Variants in CLCNKA observed in about 807,000 individuals in gnomAD.
CLCNKA encodes chloride channel protein ClC-Ka.
Under a neutral mutation model 83.3 loss-of-function variants are expected in CLCNKA, and 66 were observed. That is an observed-to-expected ratio of 0.79 (90% CI 0.65 to 0.97). The LOEUF (loss-of-function observed/expected upper bound fraction) is 0.97, where lower values mean the gene tolerates loss of function less well. Ranked by LOEUF, CLCNKA falls within the 50% of genes least tolerant of loss-of-function variation. The pLI is 0.00. For synonymous variants in CLCNKA, 357 were observed against 370.4 expected (o/e 0.96, Z 0.42); for missense variants, 806 against 888.7 (o/e 0.91, Z 1.18).
rs370754460 is a variant in CLCNKA at position 16,029,175 on chromosome 1, C to T, written c.1103C>T (p.Ala368Val). Residue 368 changes from alanine to valine, a missense_variant, in exon 12 of 20, where the codon GCG becomes GTG. By Grantham distance (64) the Ala-to-Val change is moderately conservative (BLOSUM62 0). Coordinates refer to ENST00000331433, the MANE Select transcript of CLCNKA (RefSeq NM_004070.4). ...TCGCTGTTCGACAACCACTCCTGGG[C>T]GCTGATGACCCAGAACTCCAGCCCA... ...LDSLFDNHSW[A>V]LMTQNSSPPW... 1.5e-4 allele frequency: 246 copies of T among 1,612,714 alleles called. No homozygotes were observed. Among genetic ancestry groups the T allele is most frequent in the Non-Finnish European group, 2.0e-4 (239 of 1,179,860 alleles).
In CLCNKA at chr1:16,024,853, C is replaced by T; in HGVS notation, c.320C>T (p.Ser107Phe). The change falls in exon 4 of 20, where the codon TCC becomes TTC. Residue 107 changes from serine (S) to phenylalanine (F), a missense_variant. By Grantham distance (155) the Ser-to-Phe change is radical. Transcript: ENST00000331433. ...TACCCTGTGGCCCTCGTCTCTTTCT[C>T]CTCAGGCTTCTCCCAGAGCATCACG... ...TVYPVALVSFSSGFSQSITPS... is the reference protein window; with the variant it reads ...TVYPVALVSFFSGFSQSITPS... 3.1e-6 allele frequency: 5 copies of T among 1,614,182 alleles called. No homozygotes were observed. The highest frequency in any genetic ancestry group is 2.2e-5 in the South Asian group (2 of 91,088).
rs777894022 is a variant in CLCNKA at position 16,032,478 on chromosome 1, C to T, written c.1881C>T (p.Pro627=). The part of the protein sequence containing the change: ...CLQDILARGC[P]TEPVTLTLFS... ...AGGACATCTTGGCCAGGGGCTGCCC[C>T]ACGGAACCAGTGACCCTGACGCTAT... The change falls in exon 18 of 20, where the codon CCC becomes CCT. Residue 627 remains proline (P), a synonymous_variant. Transcript: ENST00000331433. 1 of 1,613,220 alleles carries T rather than the reference C, an allele frequency of 6.2e-7. No homozygotes were observed. Among genetic ancestry groups the T allele is most frequent in the African/African-American group, 1.3e-5 (1 of 74,936 alleles).
intron 12 of CLCNKA, 76 bp downstream of exon 12, chr1:16,029,375 A>G: frequency 6.3e-7 from 1 of 1,596,732 alleles, no homozygotes; most frequent in Non-Finnish European, 8.6e-7. Context: ...GCCTCCCTGC[A>G]CCTGGTGGCA....
intron 10 of CLCNKA, among the ~76,000 whole-genome samples, 164 bp downstream of exon 10, chr1:16,028,283 C>A (rs1364244322): frequency 6.6e-6 from 1 of 151,800 alleles, no homozygotes; most frequent in Non-Finnish European, 1.5e-5. Context: ...CACTGTCCCC[C>A]CTTCCTTACT....
At chr1:16,026,298 C>T (rs1436484512) in intron 5 of CLCNKA, 51 bp downstream of exon 5, 9 of 1,601,544 alleles carry the variant, frequency 5.6e-6, no homozygotes, top group South Asian at 1.1e-5. Flanking sequence ...CCTACCCTGC[C>T]CCAGCTCTCC....
chr1:16,024,666 G>A (rs1008524502), intron 3 of CLCNKA, 97 bp from the exon 4 acceptor site: 15 of 1,546,920 alleles, frequency 9.7e-6, no homozygotes, highest in East Asian at 6.9e-5. Context: ...TCCCCTCTTC[G>A]TGACTCCATT....
rs2022514712 is a variant in CLCNKA, at chr1:16,029,262, C to T, written c.1190C>T (p.Thr397Ile). Residue 397 changes from threonine to isoleucine, a missense_variant, in exon 12 of 20, where the codon ACC becomes ATC. Transcript: ENST00000331433. Reference sequence around the variant, plus strand: ...TGGGAATGGTACCACCCGCGGTTCACCATCTTTGGGACCCTTGCCTTCTTC... The same window carrying T: ...TGGGAATGGTACCACCCGCGGTTCATCATCTTTGGGACCCTTGCCTTCTTC... ...LWWEWYHPRF[T>I]IFGTLAFFLV... 9.9e-6 allele frequency: 16 copies of T among 1,613,824 alleles called. No individual in the cohort carries two copies. The highest frequency in any genetic ancestry group is 1.4e-5 in the Non-Finnish European group (16 of 1,180,002).
chr1:16,027,238 G>A, intron 7 of CLCNKA, 72 bp from the exon 8 acceptor site: 1 of 1,598,470 alleles, frequency 6.3e-7, no homozygotes, highest in Non-Finnish European at 8.5e-7. Context: ...GAGGAGGCGA[G>A]ATGGGGGAGG....
At position 16,026,188 on chromosome 1, in the gene CLCNKA, A is replaced by G; in HGVS notation, c.439A>G (p.Lys147Glu). Residue 147 changes from lysine to glutamate, a missense_variant, in exon 5 of 20, where the codon AAG (lysine) becomes GAG (glutamate). Transcript: ENST00000331433. ...CCTGGATATCAAGAACTTTGGGGCC[A>G]AGGTGGTGGGCCTCTCCTGCACCCT... ...DYLDIKNFGAKVVGLSCTLAT... is the reference protein window; with the variant it reads ...DYLDIKNFGAEVVGLSCTLAT... 1 of 1,613,872 alleles carries G rather than the reference A, an allele frequency of 6.2e-7. No individual in the cohort carries two copies. The highest frequency in any genetic ancestry group is 8.5e-7 in the Non-Finnish European group (1 of 1,180,018).
chr1:16,032,436 C>A lies in CLCNKA; in HGVS notation c.1846-7C>A, dbSNP rs1462216002. 6.2e-7 allele frequency: 1 copy of A among 1,610,608 alleles called. No homozygotes were observed. Among genetic ancestry groups the A allele is most frequent in the Non-Finnish European group, 8.5e-7 (1 of 1,177,650 alleles). On this transcript the variant is annotated splice_polypyrimidine_tract_variant and splice_region_variant and intron_variant, in intron 17 of 19. Coordinates refer to ENST00000331433, the MANE Select transcript of CLCNKA (RefSeq NM_004070.4). ...GCCCTGCACCCATAACTCTTCCCCA[C>A]TCCCAGCAGTGTCTCCAGGACATCT...
rs772947959 is a variant in CLCNKA at position 16,029,184 on chromosome 1, C to T, written c.1112C>T (p.Thr371Ile). Residue 371 changes from threonine to isoleucine, a missense_variant, in exon 12 of 20, where the codon ACC becomes ATC. Coordinates refer to ENST00000331433, the MANE Select transcript of CLCNKA (RefSeq NM_004070.4). ...LFDNHSWALM[T>I]QNSSPPWPEE... is the part of the protein sequence containing the mutation. Reference sequence around the variant, plus strand: ...GACAACCACTCCTGGGCGCTGATGACCCAGAACTCCAGCCCACCCTGGCCC... The same window carrying T: ...GACAACCACTCCTGGGCGCTGATGATCCAGAACTCCAGCCCACCCTGGCCC... The T allele has an allele frequency of 1.9e-6, 3 of 1,613,160 alleles. No homozygotes were observed. The highest frequency in any genetic ancestry group is 2.2e-5 in the East Asian group (1 of 44,870).
intron 13 of CLCNKA, 57 bp from the exon 14 acceptor site, chr1:16,029,908 G>A (rs1324188870): frequency 3.8e-6 from 6 of 1,597,878 alleles, no homozygotes; most frequent in Non-Finnish European, 5.1e-6. Context: ...CCTCAGGGAT[G>A]GAGGGCTGTG....
At position 16,027,449 on chromosome 1, in the gene CLCNKA, G is replaced by A. The variant is rs767064756; in HGVS notation, c.781+14G>A. 6.2e-6 allele frequency: 10 copies of A among 1,613,346 alleles called. No homozygotes were observed. The highest frequency in any genetic ancestry group is 1.3e-5 in the African/African-American group (1 of 74,880). ...ACAGCGAGCAGGGTGAGCCCCCTGGGCTGCCTGACCCTGGCCCTGCCTGGG... is the reference window on the plus strand; with the variant it reads ...ACAGCGAGCAGGGTGAGCCCCCTGGACTGCCTGACCCTGGCCCTGCCTGGG... On this transcript the variant is annotated intron_variant, in intron 8 of 19. Transcript: ENST00000331433.
intron 1 of CLCNKA, among the ~76,000 whole-genome samples, chr1:16,022,380 CAGG>C (rs1406114011): frequency 3.9e-5 from 6 of 152,150 alleles, no homozygotes; most frequent in South Asian, 2.1e-4. Flanking sequence ...CTGCTGGACA[CAGG>C]GGGACACCTA....
intron 10 of CLCNKA, chr1:16,028,536 G>T: frequency 1.5e-6 from 1 of 683,224 alleles, no homozygotes; most frequent in South Asian, 1.5e-5. Context: ...TCTCCTGCGT[G>T]ATTCCTCTGC....
chr1:16,033,120 G>C, intron 18 of CLCNKA, 50 bp from the exon 19 acceptor site: 1 of 1,577,512 alleles, frequency 6.3e-7, no homozygotes, highest in Non-Finnish European at 8.7e-7. Context: ...GCCAGAGGGT[G>C]GGCTGGGCGC....
At chr1:16,031,573 C>G in intron 15 of CLCNKA, 137 bp from the exon 16 acceptor site, 1 of 1,286,416 alleles carries the variant, frequency 7.8e-7, no homozygotes, top group South Asian at 1.3e-5. Flanking sequence ...GTCCCTCATT[C>G]CAGGAACCTC....
At chr1:16,032,101 G>C in intron 16 of CLCNKA, 102 bp from the exon 17 acceptor site, 1 of 1,256,114 alleles carries the variant, frequency 8.0e-7, no homozygotes, top group East Asian at 2.3e-5. Context: ...GGCAGCTGCT[G>C]GGGTAGGAGC....
At position 16,026,219 on chromosome 1, in the gene CLCNKA, C is replaced by T. The variant is rs2022340259; in HGVS notation, c.470C>T (p.Thr157Ile). 1 of 1,613,806 alleles carries T rather than the reference C, an allele frequency of 6.2e-7. No homozygotes were observed. The highest frequency in any genetic ancestry group is 1.3e-5 in the African/African-American group (1 of 74,904). The change falls in exon 5 of 20, where the codon ACC becomes ATC. Residue 157 changes from threonine to isoleucine, a missense_variant. By Grantham distance (89) the Thr-to-Ile change is moderately conservative. Coordinates refer to ENST00000331433, the MANE Select transcript of CLCNKA (RefSeq NM_004070.4). Reference protein sequence around the residue: ...KVVGLSCTLATGSTLFLGKVG... With the variant: ...KVVGLSCTLAIGSTLFLGKVG... ...GTGGGCCTCTCCTGCACCCTGGCCA[C>T]CGGCAGCACCCTGTTCCTGGGCAAA...
Sources: gnomAD v4.1 joint callset for allele counts (sites outside exome capture counted in the v4.1 genomes callset) on GRCh38, gnomAD v4.1.1 for gene constraint, MANE v1.5 for transcripts, NCBI Gene and HGNC (gene_info 2026-07-23, HGNC 2026-07-21) for gene names.